The following SYT1 variants were observed in gnomAD, a reference collection of about 807,000 sequenced individuals.
SYT1 encodes the protein synaptotagmin-1.
Under a neutral mutation model 44.8 loss-of-function variants are expected in SYT1, and 8 were observed. The ratio of observed to expected loss-of-function variants is 0.18; its 90% CI spans 0.10 to 0.32. The LOEUF (loss-of-function observed/expected upper bound fraction) is 0.32, where lower values mean the gene tolerates loss of function less well. Among genes scored for constraint, SYT1 ranks in the 10% least tolerant of loss-of-function variants. The probability of loss-of-function intolerance (pLI) is 1.00; values close to 1 mark genes in which losing one functional copy is unlikely to be tolerated. For synonymous variants in SYT1, 154 were observed against 188.8 expected (o/e 0.82, Z 1.51); for missense variants, 286 against 509.3 (o/e 0.56, Z 4.22).
At chr12:79,354,330 T>C (rs927381475) in intron 9 of SYT1, among the ~76,000 whole-genome samples, 5 of 152,224 alleles carry the variant, frequency 3.3e-5, no homozygotes, top group African/African-American at 1.2e-4. Flanking sequence ...TTCCGCTAAA[T>C]CATTAAAGTG....
At chr12:79,288,004 A>G (rs1470171983) in intron 5 of SYT1, among the ~76,000 whole-genome samples, 4 of 152,176 alleles carry the variant, frequency 2.6e-5, no homozygotes, top group Non-Finnish European at 5.9e-5. Context: ...GACATTAGCT[A>G]GGTCTCAATT....
chr12:79,018,029 G>A (rs1871921941), intron 2 of SYT1, among the ~76,000 whole-genome samples: 1 of 151,386 alleles, frequency 6.6e-6, no homozygotes, highest in Non-Finnish European at 1.5e-5. Flanking sequence ...TCTAGGTTTA[G>A]GGCAAAAGAC....
intron 3 of SYT1, among the ~76,000 whole-genome samples, chr12:79,200,206 A>G (rs1873698050): frequency 6.6e-6 from 1 of 152,192 alleles, no homozygotes. Context: ...AGCATTTTAT[A>G]ATAATTGATA....
chr12:78,873,062 G>A (rs981738130), intron 1 of SYT1, among the ~76,000 whole-genome samples: 1 of 151,548 alleles, frequency 6.6e-6, no homozygotes, highest in African/African-American at 2.4e-5. Flanking sequence ...TTCATGACAG[G>A]CGTGCAGCAC....
chr12:79,323,394 C>T (rs1881459535), intron 8 of SYT1, among the ~76,000 whole-genome samples: 1 of 152,158 alleles, frequency 6.6e-6, no homozygotes, highest in Non-Finnish European at 1.5e-5. Flanking sequence ...CAGGCACAAA[C>T]TCCCAATGGA....
At chr12:78,982,558 T>A (rs1869340948) in intron 2 of SYT1, among the ~76,000 whole-genome samples, 1 of 152,116 alleles carries the variant, frequency 6.6e-6, no homozygotes, top group Non-Finnish European at 1.5e-5. Context: ...AAGAAGTGTC[T>A]TAGGGCAGAA....
chr12:79,305,528 A>C (rs1373714690), intron 8 of SYT1, among the ~76,000 whole-genome samples: 1 of 151,908 alleles, frequency 6.6e-6, no homozygotes, highest in African/African-American at 2.4e-5. Context: ...AGAGTCTACT[A>C]TATGCTGACA....
chr12:79,279,053 C>T (rs1475849903), intron 4 of SYT1, among the ~76,000 whole-genome samples: 3 of 148,556 alleles, frequency 2.0e-5, no homozygotes, highest in African/African-American at 7.4e-5. Context: ...AAGCCCAGAA[C>T]TAGATGAATT....
At chr12:79,188,248 A>G (rs1268229113) in intron 3 of SYT1, among the ~76,000 whole-genome samples, 1 of 152,130 alleles carries the variant, frequency 6.6e-6, no homozygotes, top group Non-Finnish European at 1.5e-5. Flanking sequence ...TAGAATAGAG[A>G]CATTCTACAA....
chr12:79,240,631 G>C (rs951439604), intron 4 of SYT1, among the ~76,000 whole-genome samples: 1 of 152,116 alleles, frequency 6.6e-6, no homozygotes. Flanking sequence ...TTCCAGGTTG[G>C]AGACACGGTT....
chr12:79,185,031 A>G (rs1053201023), intron 3 of SYT1, among the ~76,000 whole-genome samples: 2 of 152,078 alleles, frequency 1.3e-5, no homozygotes, highest in Non-Finnish European at 2.9e-5. Flanking sequence ...AATGTCACCT[A>G]GCAAAAGGAA....
intron 3 of SYT1, among the ~76,000 whole-genome samples, chr12:79,058,191 T>A (rs1253073510): frequency 6.6e-6 from 1 of 152,034 alleles, no homozygotes; most frequent in Non-Finnish European, 1.5e-5. Flanking sequence ...ACAAAATTCC[T>A]TTTAAGATGT....
At chr12:79,349,435 GA>G in intron 8 of SYT1, among the ~76,000 whole-genome samples, 1 of 152,250 alleles carries the variant, frequency 6.6e-6, no homozygotes. Context: ...GGCCAGCTGG[GA>G]TATTAGTTTC....
At chr12:79,042,795 G>A (rs1197120702) in intron 2 of SYT1, among the ~76,000 whole-genome samples, 10 of 149,360 alleles carry the variant, frequency 6.7e-5, no homozygotes, top group East Asian at 2.0e-4. Flanking sequence ...ACACTGCTTT[G>A]AATGTGTCCC....
chr12:79,000,980 C>A (rs11831274), intron 2 of SYT1, among the ~76,000 whole-genome samples: 11,957 of 152,146 alleles, frequency 0.079, 626 homozygotes, highest in East Asian at 0.15. Flanking sequence ...GTTTCAAATA[C>A]ATTGGATAAT....
chr12:78,884,921 G>T (rs915533153), intron 1 of SYT1, among the ~76,000 whole-genome samples: 2 of 151,864 alleles, frequency 1.3e-5, no homozygotes, highest in South Asian at 2.1e-4. Context: ...CATACCAGGT[G>T]CTATTTTAAC....
chr12:79,448,065 G>T (rs1169711272), intron 10 of SYT1, among the ~76,000 whole-genome samples: 2 of 152,124 alleles, frequency 1.3e-5, no homozygotes, highest in Non-Finnish European at 2.9e-5. Flanking sequence ...TTAGGAAGTA[G>T]AACTGAAATT....
chr12:78,935,984 T>C lies in SYT1; in HGVS notation c.-216-41815T>C, dbSNP rs536112528. ...TTCCAAGTACAAAGAGTTCATTTTCTTTGATAAAACAAAGGAGAGATACAG... is the reference window on the plus strand; with the variant it reads ...TTCCAAGTACAAAGAGTTCATTTTCCTTGATAAAACAAAGGAGAGATACAG... On this transcript the variant is annotated intron_variant, in intron 1 of 10. Coordinates refer to ENST00000261205, the MANE Select transcript of SYT1 (RefSeq NM_005639.3). Among the ~76,000 whole-genome samples the C allele has an allele frequency of 3.8e-4, 58 of 152,260 alleles. No homozygotes were observed. The South Asian group carries it at 0.012, about 30-fold the overall frequency.
intron 3 of SYT1, among the ~76,000 whole-genome samples, chr12:79,174,230 A>C (rs1269511598): frequency 6.6e-6 from 1 of 152,064 alleles, no homozygotes; most frequent in Non-Finnish European, 1.5e-5. Flanking sequence ...ATGTTGGCAC[A>C]ATGTGGTGTA....
Sources: allele counts gnomAD v4.1 joint callset (sites outside exome capture counted in the v4.1 genomes callset), GRCh38; gene constraint gnomAD v4.1.1; transcripts MANE v1.5; gene names NCBI Gene and HGNC (gene_info 2026-07-23, HGNC 2026-07-21).